Variants in TNNC2 observed in about 807,000 individuals in gnomAD.
TNNC2 encodes troponin C2, fast skeletal type, also known as troponin C, skeletal muscle.
A neutral mutation model predicts 20.0 loss-of-function variants in TNNC2; 14 were observed. That is an observed-to-expected ratio of 0.70 (90% CI 0.46 to 1.09). The LOEUF (loss-of-function observed/expected upper bound fraction) is 1.09. Ranked by LOEUF, TNNC2 falls within the 50% of genes least tolerant of loss-of-function variation. The pLI is 0.00. For missense variants in TNNC2, 163 were observed against 223.8 expected, an observed-to-expected ratio of 0.73 and a Z score of 1.73; for synonymous variants, 81 against 77.3, an observed-to-expected ratio of 1.05 and a Z score of -0.25.
chr20:45,824,696 A>AGCCCCCCCC, intron 2 of TNNC2, 58 bp from the exon 3 acceptor site: 5 of 1,386,392 alleles, frequency 3.6e-6, no homozygotes, highest in Admixed American at 2.1e-5. Flanking sequence ...CCTCACACCT[A>AGCCCCCCCC]CCCCCCCCCA....
chr20:45,826,802 T>G (rs1982983921), intron 1 of TNNC2, among the ~76,000 whole-genome samples: 1 of 152,156 alleles, frequency 6.6e-6, no homozygotes, highest in African/African-American at 2.4e-5. Flanking sequence ...CCCAGAGCCC[T>G]GCATCTGAGC....
upstream of TNNC2, chr20:45,827,329 GC>G: frequency 6.3e-7 from 1 of 1,596,710 alleles, no homozygotes; most frequent in Non-Finnish European, 8.6e-7. Context: ...GCCTGCTCTA[GC>G]CCCCGGGATT....
At chr20:45,829,940 G>C (rs973942202), upstream of TNNC2, among the ~76,000 whole-genome samples, 4 of 151,874 alleles carry the variant, frequency 2.6e-5, no homozygotes, top group Admixed American at 2.6e-4. Flanking sequence ...GATTAGGTAA[G>C]GCCCAAATTG....
upstream of TNNC2, among the ~76,000 whole-genome samples, chr20:45,830,627 G>A (rs1019422467): frequency 6.6e-5 from 10 of 152,192 alleles, no homozygotes; most frequent in Non-Finnish European, 1.2e-4. Context: ...ATTTCCCAGT[G>A]CTCAGCACTT....
chr20:45,830,073 G>A (rs1427094759), upstream of TNNC2, among the ~76,000 whole-genome samples: 2 of 151,722 alleles, frequency 1.3e-5, no homozygotes, highest in Non-Finnish European at 2.9e-5. Flanking sequence ...GGTGGCTCAT[G>A]CCTGTAATCC....
chr20:45,824,299 A>G lies in TNNC2; in HGVS notation c.307T>C (p.Phe103Leu). The change falls in exon 4 of 6, where the codon TTC (phenylalanine) becomes CTC (leucine). Residue 103 changes from phenylalanine (F) to leucine (L), a missense_variant. Coordinates refer to ENST00000372555, the MANE Select transcript of TNNC2 (RefSeq NM_003279.3). The part of the protein sequence containing the change: ...EEELAECFRI[F>L]DRNADGYIDP... Reference sequence around the variant, plus strand: ...CCCGGGCCCCCAGCGCACCTGTCGAAGATGCGGAAGCACTCGGCCAGCTCC... The same window carrying G: ...CCCGGGCCCCCAGCGCACCTGTCGAGGATGCGGAAGCACTCGGCCAGCTCC... The G allele has an allele frequency of 6.2e-7, 1 of 1,610,452 alleles. No homozygotes were observed.
In TNNC2 at chr20:45,823,511, A is replaced by G; in HGVS notation, c.452-132T>C. Reference sequence around the variant, plus strand: ...GAGACAGAGTCTCACTCTGTTGCCAAGGTCGCCAAGGTCTGTCACCCAGGC... The same window carrying G: ...GAGACAGAGTCTCACTCTGTTGCCAGGGTCGCCAAGGTCTGTCACCCAGGC... On this transcript the variant is annotated intron_variant, in intron 5 of 5. Transcript: ENST00000372555. This position sits in a 1 kb window ranked among gnomAD's most constrained non-coding sequence, Gnocchi z 4.6. 2.5e-6 allele frequency: 2 copies of G among 813,862 alleles called. No individual in the cohort carries two copies. Among genetic ancestry groups the G allele is most frequent in the Non-Finnish European group, 3.8e-6 (2 of 528,100 alleles). The allele number at this position is 813,862 out of a possible 1,614,324, so 50.4% of individuals were successfully genotyped here.
rs1246442986 is a variant in TNNC2, at chr20:45,824,941, C to T, written c.4-107G>A. On this transcript the variant is annotated intron_variant, in intron 1 of 5. Coordinates refer to ENST00000372555, the MANE Select transcript of TNNC2 (RefSeq NM_003279.3). Reference sequence around the variant, plus strand: ...CCACTCTGTCAGCGCCCTTGGTTCTCCAGAAGAACAACTTCAAACTTGTCA... The same window carrying T: ...CCACTCTGTCAGCGCCCTTGGTTCTTCAGAAGAACAACTTCAAACTTGTCA... The T allele has an allele frequency of 4.9e-6, 6 of 1,237,074 alleles. No individual in the cohort carries two copies. In the African/African-American group the frequency reaches 9.0e-5, roughly 18 times the overall value. 76.6% of individuals were successfully genotyped at this position (1,237,074 alleles called of 1,614,324 possible). A position where few individuals can be genotyped will look rare whatever the true frequency, so the allele number is the denominator to read the frequency against.
rs775693770 is a variant in TNNC2, at chr20:45,824,538, G to A, written c.156C>T (p.Thr52=). The change falls in exon 3 of 6, where the codon ACC becomes ACT. Residue 52 remains threonine (T), a synonymous_variant. Coordinates refer to ENST00000372555, the MANE Select transcript of TNNC2 (RefSeq NM_003279.3). ...CGATGATGGCGTCCAGCTCCTCCTT[G>A]GTGGGTGTCTGGCCCAGCATCCTCA... ...TVMRMLGQTP[T]KEELDAIIEE... 1.2e-6 allele frequency: 2 copies of A among 1,613,580 alleles called. No individual in the cohort carries two copies. The highest frequency in any genetic ancestry group is 1.1e-5 in the South Asian group (1 of 91,082).
At chr20:45,832,870 G>T (rs886196068) in intron 2 of TNNC2, among the ~76,000 whole-genome samples, 6 of 152,204 alleles carry the variant, frequency 3.9e-5, no homozygotes, top group African/African-American at 1.2e-4. Context: ...GGGGACCTGG[G>T]CTCCAGGCCC....
intron 1 of TNNC2, 147 bp downstream of exon 1, chr20:45,827,099 C>T: frequency 1.0e-6 from 1 of 972,078 alleles, no homozygotes; most frequent in South Asian, 1.5e-5. Flanking sequence ...AGTCAAAGGC[C>T]TTCCTCCAAG....
At position 45,824,397 on chromosome 20, in the gene TNNC2, G is replaced by C; in HGVS notation, c.209C>G (p.Thr70Ser). ...IEEVDEDGSG[T>S]IDFEEFLVMM... The stretch of plus-strand genomic sequence containing the variant: ...GACCAAGAACTCCTCGAAGTCGATG[G>C]TGCCGCTGCCTGCGGGCAGCAGGTG... Residue 70 changes from threonine (T) to serine (S), a missense_variant, in exon 4 of 6, where the codon ACC (threonine) becomes AGC (serine). Thr to Ser is a moderately conservative substitution (Grantham distance 58). Coordinates refer to ENST00000372555, the MANE Select transcript of TNNC2 (RefSeq NM_003279.3). 6.2e-7 allele frequency: 1 copy of C among 1,610,620 alleles called. No individual in the cohort carries two copies. The highest frequency in any genetic ancestry group is 1.1e-5 in the South Asian group (1 of 91,076).
intron 1 of TNNC2, 84 bp from the exon 2 acceptor site, chr20:45,824,918 A>C: frequency 6.9e-7 from 1 of 1,458,930 alleles, no homozygotes; most frequent in Non-Finnish European, 9.6e-7. Flanking sequence ...CCCAACCCCC[A>C]CTCTGTCAGC....
At chr20:45,830,101 C>T (rs910711394), upstream of TNNC2, among the ~76,000 whole-genome samples, 1 of 151,252 alleles carries the variant, frequency 6.6e-6, no homozygotes, top group Non-Finnish European at 1.5e-5. Flanking sequence ...TTGGGAGGTG[C>T]AGGCTGGCAG....
chr20:45,829,160 G>GT (rs57079984), upstream of TNNC2, among the ~76,000 whole-genome samples: 2,959 of 98,240 alleles, frequency 0.03, 99 homozygotes, highest in African/African-American at 0.067. Context: ...TTTGTTTTTG[G>GT]TTTTTTTTTT....
upstream of TNNC2, among the ~76,000 whole-genome samples, chr20:45,827,872 C>T (rs901441202): frequency 2.6e-5 from 4 of 152,094 alleles, no homozygotes; most frequent in Admixed American, 6.6e-5. Flanking sequence ...AGGAATGTCC[C>T]GTCTTTGAAC....
chr20:45,828,766 TAGC>T (rs1300770775), upstream of TNNC2, among the ~76,000 whole-genome samples: 1 of 152,006 alleles, frequency 6.6e-6, no homozygotes, highest in African/African-American at 2.4e-5. Context: ...AGACAACCGA[TAGC>T]AGGCTCTGGG....
chr20:45,829,162 T>G (rs1200173269), upstream of TNNC2, among the ~76,000 whole-genome samples: 2 of 33,134 alleles, frequency 6.0e-5, no homozygotes, highest in African/African-American at 1.2e-4. Context: ...TGTTTTTGGT[T>G]TTTTTTTTTT....
upstream of TNNC2, among the ~76,000 whole-genome samples, chr20:45,830,340 A>C (rs1490279707): frequency 6.6e-6 from 1 of 150,568 alleles, no homozygotes; most frequent in Non-Finnish European, 1.5e-5. Flanking sequence ...CATCTCAAAA[A>C]AAAAAAAAAA....
Sources: allele counts gnomAD v4.1 joint callset (sites outside exome capture counted in the v4.1 genomes callset), GRCh38; gene constraint gnomAD v4.1.1; non-coding constraint Gnocchi (gnomAD v3.1); transcripts MANE v1.5; gene names NCBI Gene and HGNC (gene_info 2026-07-23, HGNC 2026-07-21).